SOX6: variants seen among roughly 807,000 people sequenced by gnomAD.
The protein encoded by SOX6 is SRY-box transcription factor 6.
SOX6 carries 11 observed loss-of-function variants against 97.8 expected under a neutral mutation model. The observed-to-expected ratio is 0.11, with a 90% CI of 0.07 to 0.19. The LOEUF (loss-of-function observed/expected upper bound fraction) is 0.19. Among genes scored for constraint, SOX6 ranks in the 10% least tolerant of loss-of-function variants. The probability of loss-of-function intolerance (pLI) is 1.00; values close to 1 mark genes in which losing one functional copy is unlikely to be tolerated. For missense variants in SOX6, 810 were observed against 1,039.5 expected (o/e 0.78, Z 3.04); for synonymous variants, 360 against 371.4 (o/e 0.97, Z 0.35).
chr11:16,187,797 C>T (rs1170406324), intron 4 of SOX6, among the ~76,000 whole-genome samples: 3 of 152,098 alleles, frequency 2.0e-5, no homozygotes, highest in African/African-American at 7.2e-5. Flanking sequence ...CCTAAGTAAA[C>T]GGTACAGAAT....
intron 1 of SOX6, chr11:16,738,411 C>A (rs942281175): frequency 2.0e-5 from 6 of 293,994 alleles, no homozygotes; most frequent in Non-Finnish European, 3.3e-5. Flanking sequence ...ACAAAGCTCT[C>A]GGCCAACGCT....
At chr11:16,667,447 T>C (rs1847815447) in intron 3 of SOX6, among the ~76,000 whole-genome samples, 1 of 151,154 alleles carries the variant, frequency 6.6e-6, no homozygotes, top group African/African-American at 2.4e-5. Flanking sequence ...AAGAAACAAG[T>C]AATATACAAA....
intron 9 of SOX6, among the ~76,000 whole-genome samples, chr11:16,083,943 T>C (rs1348810485): frequency 1.3e-5 from 2 of 152,200 alleles, no homozygotes; most frequent in Non-Finnish European, 2.9e-5. Context: ...TTTCTAGCTC[T>C]GAAAGTCTAT....
intron 3 of SOX6, among the ~76,000 whole-genome samples, chr11:16,641,028 C>T (rs1345586900): frequency 6.6e-6 from 1 of 152,168 alleles, no homozygotes; most frequent in Non-Finnish European, 1.5e-5. Flanking sequence ...ATCTTTCCTG[C>T]TTTCTCTTGT....
intron 4 of SOX6, among the ~76,000 whole-genome samples, chr11:16,205,597 C>T (rs1371275810): frequency 6.6e-6 from 1 of 151,782 alleles, no homozygotes; most frequent in Non-Finnish European, 1.5e-5. Context: ...GATTTAACAG[C>T]CAAAATGAGG....
chr11:16,519,194 TA>T (rs1159080704), intron 4 of SOX6, among the ~76,000 whole-genome samples: 11 of 152,234 alleles, frequency 7.2e-5, no homozygotes, highest in African/African-American at 2.2e-4. Context: ...GTGGCTAGAA[TA>T]AAAATCCAAT....
intron 3 of SOX6, among the ~76,000 whole-genome samples, chr11:16,244,092 A>G (rs1767370870): frequency 6.6e-6 from 1 of 151,900 alleles, no homozygotes; most frequent in Admixed American, 6.6e-5. Context: ...ATAAACTGCC[A>G]AAAGGTTTTC....
intron 4 of SOX6, among the ~76,000 whole-genome samples, chr11:16,598,191 G>GTAT (rs991125121): frequency 7.9e-5 from 12 of 151,760 alleles, no homozygotes; most frequent in South Asian, 6.2e-4. Flanking sequence ...TATGATATAG[G>GTAT]TATTATTATT....
intron 2 of SOX6, among the ~76,000 whole-genome samples, chr11:16,728,071 A>G (rs1195326237): frequency 1.3e-5 from 2 of 152,194 alleles, no homozygotes; most frequent in East Asian, 1.9e-4. Context: ...TTTCTAAAAG[A>G]AAGGCAGCAG....
chr11:16,033,035 T>A (rs1855423237), intron 12 of SOX6, among the ~76,000 whole-genome samples: 1 of 152,194 alleles, frequency 6.6e-6, no homozygotes, highest in Admixed American at 6.5e-5. Flanking sequence ...TGGTTCCTTT[T>A]CATGGATCTG....
intron 2 of SOX6, among the ~76,000 whole-genome samples, chr11:16,724,670 G>T (rs1348064853): frequency 1.3e-5 from 2 of 152,112 alleles, no homozygotes. Context: ...ATTAACGTTT[G>T]GGAACCATTG....
intron 1 of SOX6, among the ~76,000 whole-genome samples, chr11:16,449,971 A>T (rs2133095002): frequency 6.6e-6 from 1 of 152,312 alleles, no homozygotes; most frequent in African/African-American, 2.4e-5. Context: ...ATTCAGCCAC[A>T]TTATATAGTA....
intron 12 of SOX6, among the ~76,000 whole-genome samples, chr11:16,025,293 A>G (rs1473376334): frequency 6.6e-6 from 1 of 152,154 alleles, no homozygotes; most frequent in African/African-American, 2.4e-5. Context: ...TTTGTTCCTG[A>G]ATATTCTCTG....
intron 4 of SOX6, among the ~76,000 whole-genome samples, chr11:16,540,983 T>C (rs1340231476): frequency 6.6e-6 from 1 of 152,090 alleles, no homozygotes; most frequent in Non-Finnish European, 1.5e-5. Flanking sequence ...CTAAAGTTCA[T>C]ATGGAACCAA....
At chr11:16,551,984 T>C (rs72859412) in intron 4 of SOX6, among the ~76,000 whole-genome samples, 17,241 of 152,222 alleles carry the variant, frequency 0.11, 1,025 homozygotes, top group Non-Finnish European at 0.14. Flanking sequence ...AAGGGTATTC[T>C]TGACCATTTT....
chr11:16,341,382 A>AC, intron 1 of SOX6, 130 bp from the exon 2 acceptor site: 1 of 1,334,392 alleles, frequency 7.5e-7, no homozygotes, highest in Non-Finnish European at 1.0e-6. Context: ...TCCACTCTAA[A>AC]CCCCTGAAAA....
intron 6 of SOX6, among the ~76,000 whole-genome samples, chr11:16,119,348 CT>C (rs1178543342): frequency 6.6e-6 from 1 of 152,152 alleles, no homozygotes; most frequent in East Asian, 1.9e-4. Flanking sequence ...TAGTCTCAAA[CT>C]TTTTTGTTAA....
At chr11:16,259,512 C>A (rs1853805902) in intron 3 of SOX6, among the ~76,000 whole-genome samples, 1 of 152,048 alleles carries the variant, frequency 6.6e-6, no homozygotes, top group Non-Finnish European at 1.5e-5. Context: ...AAGGAGCTGA[C>A]TGCCTTATGA....
chr11:16,205,030 C>A (rs1852036907), intron 4 of SOX6, among the ~76,000 whole-genome samples: 1 of 152,112 alleles, frequency 6.6e-6, no homozygotes, highest in South Asian at 2.1e-4. Context: ...TCATTTTCCT[C>A]AGTTCACTTA....
Sources: allele counts gnomAD v4.1 joint callset (sites outside exome capture counted in the v4.1 genomes callset), GRCh38; gene constraint gnomAD v4.1.1; transcripts MANE v1.5; gene names NCBI Gene and HGNC (gene_info 2026-07-23, HGNC 2026-07-21).